Variants in SERPINI1 observed in about 807,000 individuals in gnomAD.
The protein encoded by SERPINI1 is neuroserpin.
A neutral mutation model predicts 41.1 loss-of-function variants in SERPINI1; 19 were observed. That is an observed-to-expected ratio of 0.46 (90% CI 0.32 to 0.68). The LOEUF is 0.68. Ranked by LOEUF, SERPINI1 falls within the 30% of genes least tolerant of loss-of-function variation. The pLI is 0.03. For synonymous variants in SERPINI1, 138 were observed against 156.6 expected (o/e 0.88, Z 0.89); for missense variants, 460 against 479.2 (o/e 0.96, Z 0.37).
At chr3:167,823,459 A>AT (rs1712409462) in intron 7 of SERPINI1, among the ~76,000 whole-genome samples, 1 of 152,118 alleles carries the variant, frequency 6.6e-6, no homozygotes, top group Non-Finnish European at 1.5e-5. Flanking sequence ...AAAAGTTCTT[A>AT]TTTTTTATTT....
chr3:167,750,926 T>TA (rs1726024009), intron 1 of SERPINI1, among the ~76,000 whole-genome samples: 1 of 152,110 alleles, frequency 6.6e-6, no homozygotes, highest in Non-Finnish European at 1.5e-5. Flanking sequence ...CTTGCATTCT[T>TA]AAAAAATTAG....
chr3:167,797,607 A>G (rs1727755984), intron 5 of SERPINI1, among the ~76,000 whole-genome samples: 1 of 152,142 alleles, frequency 6.6e-6, no homozygotes, highest in Non-Finnish European at 1.5e-5. Flanking sequence ...ACAAAAGTCA[A>G]GGCAATCATA....
At chr3:167,773,271 A>G (rs1476383859) in intron 1 of SERPINI1, among the ~76,000 whole-genome samples, 1 of 152,094 alleles carries the variant, frequency 6.6e-6, no homozygotes, top group Admixed American at 6.6e-5. Context: ...AAGCAGCTTG[A>G]TAAGAGACAG....
chr3:167,742,119 G>A (rs961302999), intron 1 of SERPINI1, among the ~76,000 whole-genome samples: 3 of 151,926 alleles, frequency 2.0e-5, no homozygotes, highest in Non-Finnish European at 4.4e-5. Flanking sequence ...AACTTTAAAG[G>A]TGTAAATAAT....
intron 1 of SERPINI1, among the ~76,000 whole-genome samples, chr3:167,779,226 TG>T (rs1235889142): frequency 6.6e-6 from 1 of 152,180 alleles, no homozygotes; most frequent in Non-Finnish European, 1.5e-5. Flanking sequence ...ACCGATTAAA[TG>T]GTAATTATTT....
intron 1 of SERPINI1, among the ~76,000 whole-genome samples, chr3:167,745,000 A>G (rs1725822299): frequency 6.6e-6 from 1 of 150,414 alleles, no homozygotes; most frequent in South Asian, 2.1e-4. Flanking sequence ...CTAATATAGT[A>G]AAGAGGAGAC....
chr3:167,796,409 A>G (rs1431559365), intron 5 of SERPINI1, among the ~76,000 whole-genome samples: 1 of 148,052 alleles, frequency 6.8e-6, no homozygotes, highest in Non-Finnish European at 1.5e-5. Context: ...GGTTTGTTAC[A>G]TAGGTAAACG....
At chr3:167,815,578 C>T (rs572096106) in intron 6 of SERPINI1, among the ~76,000 whole-genome samples, 21 of 152,042 alleles carry the variant, frequency 1.4e-4, no homozygotes, top group South Asian at 2.1e-4. Context: ...TTAGTAGAGA[C>T]GGGGTTTCAC....
Position 167,794,722 on chromosome 3 carries a change from A to T in SERPINI1, c.779A>T (p.Gln260Leu), listed in dbSNP as rs1222070475. The change falls in exon 5 of 9, where the codon CAG becomes CTG. Residue 260 changes from glutamine (Q) to leucine (L), a missense_variant. By Grantham distance (113) the Gln-to-Leu change is moderately radical. Coordinates refer to ENST00000446050, the MANE Select transcript of SERPINI1 (RefSeq NM_001122752.2). Reference sequence around the variant, plus strand: ...AGCATGATGCTGGTGCTGTCCAGACAGGAAGTTCCTCTTGCTACTCTGGAG... The same window carrying T: ...AGCATGATGCTGGTGCTGTCCAGACTGGAAGTTCCTCTTGCTACTCTGGAG... ...EISMMLVLSR[Q>L]EVPLATLEPL... 1 of 1,613,770 alleles carries T rather than the reference A, an allele frequency of 6.2e-7. No homozygotes were observed. Among genetic ancestry groups the T allele is most frequent in the Non-Finnish European group, 8.5e-7 (1 of 1,179,818 alleles).
intron 1 of SERPINI1, among the ~76,000 whole-genome samples, chr3:167,752,232 A>T (rs1450422960): frequency 6.7e-6 from 1 of 148,426 alleles, no homozygotes; most frequent in Non-Finnish European, 1.5e-5. Context: ...ATGTATCTCT[A>T]ACCCAGACCT....
intron 1 of SERPINI1, among the ~76,000 whole-genome samples, chr3:167,774,623 T>C (rs534884553): frequency 6.6e-6 from 1 of 152,262 alleles, no homozygotes; most frequent in East Asian, 1.9e-4. Flanking sequence ...GAGCTCCACC[T>C]CCTGTCAGAC....
At chr3:167,752,254 T>G (rs927842346) in intron 1 of SERPINI1, among the ~76,000 whole-genome samples, 14 of 152,170 alleles carry the variant, frequency 9.2e-5, no homozygotes, top group African/African-American at 3.4e-4. Flanking sequence ...CACTCTGAAC[T>G]CTGACCTTAT....
intron 1 of SERPINI1, among the ~76,000 whole-genome samples, chr3:167,740,922 A>G (rs1460270057): frequency 1.3e-5 from 2 of 152,230 alleles, no homozygotes; most frequent in African/African-American, 4.8e-5. Context: ...AAATAGATGA[A>G]TGTAATATGA....
chr3:167,814,274 T>C (rs1374434298), intron 6 of SERPINI1, among the ~76,000 whole-genome samples: 5 of 152,210 alleles, frequency 3.3e-5, no homozygotes, highest in East Asian at 1.9e-4. Context: ...ATCTGGCTCA[T>C]AGTAGGTGCT....
In SERPINI1 at chr3:167,790,552, A is replaced by G; in HGVS notation, c.431A>G (p.Asn144Ser). The G allele has an allele frequency of 6.2e-7, 1 of 1,614,032 alleles. No individual in the cohort carries two copies. The highest frequency in any genetic ancestry group is 8.5e-7 in the Non-Finnish European group (1 of 1,179,932). Residue 144 changes from asparagine (N) to serine (S), a missense_variant, in exon 3 of 9, where the codon AAT (asparagine) becomes AGT (serine). Transcript: ENST00000446050. The part of the protein sequence containing the change: ...AAVNHVDFSQ[N>S]VAVANYINKW... ...GTAAATCATGTGGACTTCAGTCAAA[A>G]TGTAGCCGTGGCCAACTACATCAAT... is the stretch of plus-strand genomic sequence containing the variant.
intron 5 of SERPINI1, among the ~76,000 whole-genome samples, chr3:167,795,058 G>A (rs1193784052): frequency 6.6e-6 from 1 of 151,806 alleles, no homozygotes; most frequent in Non-Finnish European, 1.5e-5. Context: ...GTAGACACAT[G>A]CTCACTTATT....
chr3:167,780,762 G>A (rs1727096954), intron 1 of SERPINI1, among the ~76,000 whole-genome samples: 1 of 152,050 alleles, frequency 6.6e-6, no homozygotes. Flanking sequence ...TACTTTTTCT[G>A]TTCACTTCTG....
intron 1 of SERPINI1, among the ~76,000 whole-genome samples, chr3:167,747,197 A>T (rs1319897762): frequency 1.3e-5 from 2 of 152,218 alleles, no homozygotes; most frequent in Non-Finnish European, 2.9e-5. Flanking sequence ...TATCTAGAAT[A>T]GGCAAATCCA....
At chr3:167,745,126 A>G in intron 1 of SERPINI1, among the ~76,000 whole-genome samples, 1 of 151,576 alleles carries the variant, frequency 6.6e-6, no homozygotes, top group East Asian at 1.9e-4. Context: ...GACACAAACT[A>G]CTGAGACCAA....
Sources: gnomAD v4.1 joint callset for allele counts (sites outside exome capture counted in the v4.1 genomes callset) on GRCh38, gnomAD v4.1.1 for gene constraint, MANE v1.5 for transcripts, NCBI Gene and HGNC (gene_info 2026-07-23, HGNC 2026-07-21) for gene names.